The following IL1RL1 variants were observed in gnomAD, a reference collection of about 807,000 sequenced individuals.
IL1RL1 encodes the protein interleukin-1 receptor-like 1.
Under a neutral mutation model 50.9 loss-of-function variants are expected in IL1RL1, and 32 were observed. The observed-to-expected ratio is 0.63, with a 90% confidence interval of 0.47 to 0.84. IL1RL1 has a LOEUF of 0.84. Ranked by LOEUF, IL1RL1 falls within the 40% of genes least tolerant of loss-of-function variation. The pLI is 0.00. For missense variants in IL1RL1, 773 were observed against 662.9 expected (o/e 1.17, Z -1.82); for synonymous variants, 275 against 236.0 (o/e 1.17, Z -1.51).
intron 10 of IL1RL1, among the ~76,000 whole-genome samples, chr2:102,350,417 A>T (rs748220202): frequency 5.9e-5 from 9 of 152,250 alleles, no homozygotes; most frequent in Non-Finnish European, 1.3e-4. Flanking sequence ...GTGTGACAAC[A>T]TACTAATCTG....
intron 1 of IL1RL1, among the ~76,000 whole-genome samples, chr2:102,320,347 T>C (rs1022480318): frequency 6.6e-6 from 1 of 152,032 alleles, no homozygotes; most frequent in South Asian, 2.1e-4. Context: ...GAACACTTAT[T>C]CTCTGGGATG....
At chr2:102,333,748 C>G (rs919154847) in intron 1 of IL1RL1, among the ~76,000 whole-genome samples, 10 of 152,118 alleles carry the variant, frequency 6.6e-5, no homozygotes, top group Non-Finnish European at 1.5e-5. Context: ...ACCCTCCCTA[C>G]TTTTGGAGTC....
intron 1 of IL1RL1, among the ~76,000 whole-genome samples, chr2:102,312,017 T>TA (rs1476317548): frequency 5.4e-5 from 2 of 36,900 alleles, no homozygotes; most frequent in Admixed American, 3.9e-4. Context: ...ATATATTATA[T>TA]ATAATATATA....
intron 8 of IL1RL1, chr2:102,345,326 G>A: frequency 1.0e-6 from 1 of 985,368 alleles, no homozygotes; most frequent in Non-Finnish European, 1.2e-6. Context: ...TTCCTCACTT[G>A]TTCTTCACAT....
At chr2:102,315,332 A>T (rs1194574310) in intron 1 of IL1RL1, among the ~76,000 whole-genome samples, 1 of 151,948 alleles carries the variant, frequency 6.6e-6, no homozygotes, top group African/African-American at 2.4e-5. Context: ...ATTCCTCTTC[A>T]CTCTGGGGCA....
intron 2 of IL1RL1, 26 bp from the exon 3 acceptor site, chr2:102,338,811 A>T (rs1466927240): frequency 6.7e-7 from 1 of 1,500,616 alleles, no homozygotes. Context: ...TCATTTCAGG[A>T]TTGTCTTTAT....
chr2:102,321,885 T>C (rs750836964), intron 1 of IL1RL1, among the ~76,000 whole-genome samples: 2 of 152,236 alleles, frequency 1.3e-5, no homozygotes, highest in East Asian at 1.9e-4. Context: ...CGGTTCGCTA[T>C]AGTTACATTT....
rs563794046 is a variant in IL1RL1 at position 102,344,720 on chromosome 2, C to A, written c.970+1305C>A. ...TTGACTGAATAAATGAATGCACAAC[C>A]AAATTATTGATACCAAATGTTTTTT... On this transcript the variant is annotated intron_variant, in intron 8 of 10. Coordinates refer to ENST00000233954, the MANE Select transcript of IL1RL1 (RefSeq NM_016232.5). 212 of 943,746 alleles carry A rather than the reference C, an allele frequency of 2.2e-4. 2 individuals carry two copies. In the South Asian group the frequency reaches 8.9e-3, roughly 39 times the overall value. The allele number at this position is 943,746 out of a possible 1,614,324, so 58.5% of individuals were successfully genotyped here.
intron 8 of IL1RL1, chr2:102,344,739 G>GT (rs200544577): frequency 2.5e-4 from 238 of 939,384 alleles, no homozygotes; most frequent in Middle Eastern, 1.1e-3. Flanking sequence ...GATACCAAAT[G>GT]TTTTTTTTGT....
Position 102,333,848 on chromosome 2 carries a change from T to C in IL1RL1, c.-149-4268T>C, listed in dbSNP as rs574593055. 3.9e-5 allele frequency among the ~76,000 whole-genome samples: 6 copies of C among 152,318 alleles called. 1 individual carries two copies. The East Asian group carries it at 1.2e-3, about 29-fold the overall frequency. ...TAAGAACATGTGGTATTTGGTTTTC[T>C]GTTTCTTAACTGGTTCACTTAAGAT... On this transcript the variant is annotated intron_variant, in intron 1 of 10. Coordinates refer to ENST00000233954, the MANE Select transcript of IL1RL1 (RefSeq NM_016232.5).
At chr2:102,339,944 C>T (rs1381292376) in intron 3 of IL1RL1, among the ~76,000 whole-genome samples, 154 bp from the exon 4 acceptor site, 4 of 152,078 alleles carry the variant, frequency 2.6e-5, no homozygotes, top group East Asian at 3.9e-4. Context: ...TATTTAAACT[C>T]TAGATTTTAA....
chr2:102,345,402 A>G (rs1677747778), intron 8 of IL1RL1: 1 of 985,182 alleles, frequency 1.0e-6, no homozygotes, highest in African/African-American at 1.7e-5. Flanking sequence ...AAGGAAAGAG[A>G]GAAATATATT....
rs761657219 is a variant in IL1RL1 at position 102,342,247 on chromosome 2, C to T, written c.635C>T (p.Pro212Leu). The part of the protein sequence containing the change: ...VKDEQGFSLF[P>L]VIGAPAQNEI... Reference sequence around the variant, plus strand: ...GATGAGCAAGGCTTTTCTCTGTTTCCAGTAATCGGAGCCCCTGCACAAAAT... The same window carrying T: ...GATGAGCAAGGCTTTTCTCTGTTTCTAGTAATCGGAGCCCCTGCACAAAAT... The change falls in exon 6 of 11, where the codon CCA (proline) becomes CTA (leucine). Residue 212 changes from proline (P) to leucine (L), a missense_variant. Physicochemically the swap from Pro to Leu is moderately conservative, Grantham distance 98. Transcript: ENST00000233954. The T allele has an allele frequency of 1.9e-6, 3 of 1,611,162 alleles. No individual in the cohort carries two copies. The highest frequency in any genetic ancestry group is 1.1e-5 in the South Asian group (1 of 90,986).
At position 102,348,255 on chromosome 2, in the gene IL1RL1, T is replaced by C. The variant is rs545197232; in HGVS notation, c.1117+164T>C. ...TGTTTTTGGATTTTCTTAAAGGCCA[T>C]TTTCCATCCTGCTATGTAAATCCTC... On this transcript the variant is annotated intron_variant, in intron 9 of 10. Transcript: ENST00000233954. 1.5e-4 allele frequency among the ~76,000 whole-genome samples: 23 copies of C among 152,304 alleles called. No individual in the cohort carries two copies. In the South Asian group the frequency reaches 2.1e-3, roughly 14 times the overall value.
intron 1 of IL1RL1, among the ~76,000 whole-genome samples, chr2:102,323,590 G>A (rs1391952065): frequency 9.2e-5 from 14 of 152,020 alleles, no homozygotes. Flanking sequence ...GAAGAAGCAA[G>A]GGGTGGGGGA....
At chr2:102,345,439 G>A (rs1677749376) in intron 8 of IL1RL1, 12 of 985,136 alleles carry the variant, frequency 1.2e-5, no homozygotes, top group Non-Finnish European at 1.4e-5. Context: ...CTCAGGGGCT[G>A]TACAATCATG....
intron 5 of IL1RL1, among the ~76,000 whole-genome samples, chr2:102,341,605 C>T (rs1677567046): frequency 6.6e-6 from 1 of 152,156 alleles, no homozygotes; most frequent in Admixed American, 6.5e-5. Flanking sequence ...ATAAGCATCA[C>T]CAGACCACAT....
At chr2:102,330,614 T>C (rs1677149531) in intron 1 of IL1RL1, among the ~76,000 whole-genome samples, 2 of 152,262 alleles carry the variant, frequency 1.3e-5, no homozygotes, top group South Asian at 4.1e-4. Flanking sequence ...GAAATATCAG[T>C]ACAAGTCTTT....
chr2:102,313,253 T>C (rs1486480742), intron 1 of IL1RL1: 1 of 152,208 alleles, frequency 6.6e-6, no homozygotes, highest in Admixed American at 6.5e-5. Context: ...TTTAGTGCAT[T>C]ACTCAGCCAG....
Sources: gnomAD v4.1 joint callset for allele counts (sites outside exome capture counted in the v4.1 genomes callset) on GRCh38, gnomAD v4.1.1 for gene constraint, MANE v1.5 for transcripts, NCBI Gene and HGNC (gene_info 2026-07-23, HGNC 2026-07-21) for gene names.